CREM: variants seen among roughly 807,000 people sequenced by gnomAD.
CREM encodes cAMP-responsive element modulator.
CREM carries 13 observed loss-of-function variants against 37.3 expected under a neutral mutation model. The ratio of observed to expected loss-of-function variants is 0.35; its 90% CI spans 0.23 to 0.55. CREM has a LOEUF of 0.55. Ranked by LOEUF, CREM falls within the 20% of genes least tolerant of loss-of-function variation. The pLI, the probability that CREM is intolerant of heterozygous loss-of-function variation, is 0.88. For synonymous variants in CREM, 124 were observed against 120.2 expected, an observed-to-expected ratio of 1.03 and a Z score of -0.21; for missense variants, 296 against 362.3, an observed-to-expected ratio of 0.82 and a Z score of 1.49.
intron 6 of CREM, among the ~76,000 whole-genome samples, chr10:35,189,188 T>TG (rs2094797219): frequency 6.8e-6 from 1 of 147,698 alleles, no homozygotes; most frequent in Non-Finnish European, 1.5e-5. Context: ...TTTTTTTTTG[T>TG]TTGTTTGTTT....
intron 5 of CREM, among the ~76,000 whole-genome samples, chr10:35,184,341 A>T (rs2094465930): frequency 6.6e-6 from 1 of 152,232 alleles, no homozygotes. Context: ...TATTGAAAGC[A>T]CATGTTATGC....
In CREM at chr10:35,177,804, G is replaced by A. The variant is rs568613460; in HGVS notation, c.169-1085G>A. On this transcript the variant is annotated intron_variant, in intron 3 of 7. Transcript: ENST00000685392. ...TAAATTAATAGCCTACCTCACCTAA[G>A]GGAGTTGTTATGATTCTATGACAGA... 8.7e-4 allele frequency among the ~76,000 whole-genome samples: 132 copies of A among 152,276 alleles called. 1 individual carries two copies. The highest frequency in any genetic ancestry group is 3.0e-3 in the African/African-American group (126 of 41,556).
chr10:35,180,465 A>G (rs900998134), intron 5 of CREM, among the ~76,000 whole-genome samples: 1 of 152,230 alleles, frequency 6.6e-6, no homozygotes, highest in Non-Finnish European at 1.5e-5. Flanking sequence ...TAGCAGTGGT[A>G]GATTTGCAGT....
chr10:35,187,230 A>ATATATAATTATATATAACATATATAAT (rs1394667001), intron 5 of CREM, among the ~76,000 whole-genome samples: 2 of 108,968 alleles, frequency 1.8e-5, no homozygotes, highest in Non-Finnish European at 3.5e-5. Flanking sequence ...TATATATAAA[A>ATATATAATTATATATAACATATATAAT]TATATAATTA....
intron 2 of CREM, among the ~76,000 whole-genome samples, chr10:35,145,540 G>A (rs2091977166): frequency 6.6e-6 from 1 of 152,128 alleles, no homozygotes; most frequent in South Asian, 2.1e-4. Flanking sequence ...CAGCACTTTG[G>A]GAGGCCAAGG....
chr10:35,148,319 A>T, intron 2 of CREM, 49 bp from the exon 3 acceptor site: 1 of 1,553,730 alleles, frequency 6.4e-7, no homozygotes, highest in Non-Finnish European at 8.7e-7. Flanking sequence ...GTATTTCCAA[A>T]TACTTAAGAT....
intron 3 of CREM, among the ~76,000 whole-genome samples, chr10:35,157,148 TCA>T: frequency 6.6e-6 from 1 of 152,258 alleles, no homozygotes; most frequent in Non-Finnish European, 1.5e-5. Context: ...AAAGACCATA[TCA>T]TCATCTCAAT....
At chr10:35,179,096 T>G (rs2094236663) in intron 4 of CREM, 38 bp from the exon 5 acceptor site, 2 of 1,566,036 alleles carry the variant, frequency 1.3e-6, no homozygotes. Flanking sequence ...GACTTATTCA[T>G]GTATCTTAGT....
intron 1 of CREM, among the ~76,000 whole-genome samples, chr10:35,129,217 A>G (rs745518968): frequency 5.3e-5 from 8 of 152,234 alleles, no homozygotes; most frequent in Non-Finnish European, 1.2e-4. Context: ...TGGTGACAGT[A>G]TATGAATAAA....
intron 3 of CREM, chr10:35,167,616 G>C: frequency 9.9e-7 from 1 of 1,005,318 alleles, no homozygotes; most frequent in South Asian, 1.4e-5. Flanking sequence ...CCAGTTATAA[G>C]TGTCACTATT....
intron 5 of CREM, among the ~76,000 whole-genome samples, chr10:35,182,120 G>A (rs1564903169): frequency 6.6e-6 from 1 of 152,202 alleles, no homozygotes; most frequent in African/African-American, 2.4e-5. Flanking sequence ...AATTCTTTGA[G>A]AAGTGAATAC....
At chr10:35,151,016 A>G (rs556573440) in intron 3 of CREM, among the ~76,000 whole-genome samples, 1 of 152,304 alleles carries the variant, frequency 6.6e-6, no homozygotes, top group East Asian at 1.9e-4. Flanking sequence ...TAGAATAAGT[A>G]AGAGGAGGGG....
chr10:35,132,857 G>A (rs1472864619), intron 1 of CREM, among the ~76,000 whole-genome samples: 2 of 152,152 alleles, frequency 1.3e-5, no homozygotes, highest in African/African-American at 4.8e-5. Context: ...TGGTTGAGAA[G>A]GACCAACTTT....
At chr10:35,186,444 G>A (rs1181663336) in intron 5 of CREM, among the ~76,000 whole-genome samples, 1 of 151,772 alleles carries the variant, frequency 6.6e-6, no homozygotes, top group African/African-American at 2.4e-5. Flanking sequence ...GAGATACTTG[G>A]TAGAGGTAAA....
intron 1 of CREM, among the ~76,000 whole-genome samples, chr10:35,135,712 C>A (rs2090366667): frequency 2.0e-5 from 2 of 97,600 alleles, no homozygotes; most frequent in East Asian, 2.9e-4. Flanking sequence ...ATAGTGATAC[C>A]TATTTCTGGA....
intron 5 of CREM, chr10:35,179,576 G>T (rs1367468489): frequency 9.4e-6 from 3 of 317,812 alleles, no homozygotes; most frequent in Admixed American, 4.7e-5. Flanking sequence ...TGTTTTTGTT[G>T]TCTTTATGAT....
intron 3 of CREM, chr10:35,175,939 G>C: frequency 6.4e-7 from 1 of 1,551,572 alleles, no homozygotes; most frequent in Non-Finnish European, 8.7e-7. Flanking sequence ...TACATGTCCA[G>C]GGAGTAATTC....
At chr10:35,163,789 C>G (rs2093407690) in intron 3 of CREM, among the ~76,000 whole-genome samples, 1 of 151,950 alleles carries the variant, frequency 6.6e-6, no homozygotes, top group African/African-American at 2.4e-5. Context: ...CCACTGCGCT[C>G]CAGCCTGGGC....
intron 2 of CREM, among the ~76,000 whole-genome samples, chr10:35,141,182 T>G (rs1718101746): frequency 6.6e-6 from 1 of 152,206 alleles, no homozygotes; most frequent in Non-Finnish European, 1.5e-5. Flanking sequence ...ATGATAGTGA[T>G]CTTATAGAGT....
Sources: allele counts gnomAD v4.1 joint callset (sites outside exome capture counted in the v4.1 genomes callset), GRCh38; gene constraint gnomAD v4.1.1; transcripts MANE v1.5; gene names NCBI Gene and HGNC (gene_info 2026-07-23, HGNC 2026-07-21).